Variants in EPHB1 observed in about 807,000 individuals in gnomAD.
The protein encoded by EPHB1 is EPH receptor B1, also known as ephrin type-B receptor 1.
In EPHB1, 30 loss-of-function variants were observed where a neutral mutation model predicts 94.4. The observed-to-expected ratio is 0.32, with a 90% confidence interval of 0.24 to 0.43. The LOEUF is 0.43. Among genes scored for constraint, EPHB1 ranks in the 20% least tolerant of loss-of-function variants. EPHB1 has a pLI of 1.00. For missense variants in EPHB1, 1,055 were observed against 1,308.3 expected, an observed-to-expected ratio of 0.81 and a Z score of 2.99; for synonymous variants, 522 against 489.1, an observed-to-expected ratio of 1.07 and a Z score of -0.89.
At chr3:135,038,706 C>T (rs991623908) in intron 3 of EPHB1, among the ~76,000 whole-genome samples, 8 of 151,812 alleles carry the variant, frequency 5.3e-5, no homozygotes, top group African/African-American at 7.3e-5. Context: ...TTCGTGGTCT[C>T]GCTGGCTCAG....
chr3:135,085,745 T>C (rs1474183765), intron 3 of EPHB1, among the ~76,000 whole-genome samples: 1 of 152,208 alleles, frequency 6.6e-6, no homozygotes, highest in Admixed American at 6.5e-5. Context: ...CTTTCCCAGG[T>C]GACTGGCATC....
At chr3:135,227,481 A>G (rs1000091737) in intron 12 of EPHB1, among the ~76,000 whole-genome samples, 1 of 152,174 alleles carries the variant, frequency 6.6e-6, no homozygotes, top group African/African-American at 2.4e-5. Flanking sequence ...TACCATACAT[A>G]ATGATCTACT....
intron 1 of EPHB1, among the ~76,000 whole-genome samples, chr3:134,818,084 A>C (rs2036303810): frequency 6.6e-6 from 1 of 152,194 alleles, no homozygotes; most frequent in South Asian, 2.1e-4. Context: ...GTGGAGAGGA[A>C]AGATGTGAAG....
chr3:134,971,120 T>C (rs1933955070), intron 3 of EPHB1, among the ~76,000 whole-genome samples: 1 of 152,136 alleles, frequency 6.6e-6, no homozygotes, highest in Non-Finnish European at 1.5e-5. Context: ...ATGGAAGCTT[T>C]CAACTGACTA....
Position 135,248,328 on chromosome 3 carries a change from A to C in EPHB1, c.2509A>C (p.Ile837Leu). 6.3e-7 allele frequency: 1 copy of C among 1,587,318 alleles called. No homozygotes were observed. Among genetic ancestry groups the C allele is most frequent in the Non-Finnish European group, 8.6e-7 (1 of 1,160,428 alleles). ...DMSNQDVINA[I>L]EQDYRLPPPM... The stretch of plus-strand genomic sequence containing the variant: ...TATGTCACTGCAGGTCATCAATGCC[A>C]TCGAGCAGGACTACCGGCTGCCCCC... Residue 837 changes from isoleucine to leucine, a missense_variant, in exon 14 of 16, where the codon ATC becomes CTC. Physicochemically the swap from Ile to Leu is conservative, Grantham distance 5 (BLOSUM62 2). Transcript: ENST00000398015.
intron 10 of EPHB1, among the ~76,000 whole-genome samples, chr3:135,183,026 T>TTTCTTTCTTTCTTTC (rs1491563158): frequency 1.1e-5 from 1 of 94,658 alleles, no homozygotes; most frequent in African/African-American, 4.7e-5. Context: ...TTTTCTTTTC[T>TTTCTTTCTTTCTTTC]TTTCTTTCTT....
chr3:135,137,917 G>C (rs1024171378), intron 5 of EPHB1, among the ~76,000 whole-genome samples: 1 of 152,286 alleles, frequency 6.6e-6, no homozygotes, highest in Admixed American at 6.5e-5. Flanking sequence ...GTCTGTGCTG[G>C]GAGGGGTAGG....
At chr3:134,990,028 G>A (rs532516885) in intron 3 of EPHB1, among the ~76,000 whole-genome samples, 3 of 151,922 alleles carry the variant, frequency 2.0e-5, no homozygotes, top group African/African-American at 7.3e-5. Context: ...TTTTATTTAT[G>A]TATTTAAAAG....
intron 3 of EPHB1, among the ~76,000 whole-genome samples, chr3:135,035,925 A>C (rs1027890084): frequency 1.3e-5 from 2 of 152,198 alleles, no homozygotes; most frequent in African/African-American, 4.8e-5. Context: ...CATCTGGTCT[A>C]GCCAGGTCCC....
chr3:134,909,767 C>T (rs1241705178), intron 1 of EPHB1, among the ~76,000 whole-genome samples: 2 of 152,232 alleles, frequency 1.3e-5, no homozygotes, highest in African/African-American at 2.4e-5. Context: ...CCTACCTCCA[C>T]AGGGAGAATT....
At chr3:134,950,573 G>GC (rs1932986769) in intron 2 of EPHB1, among the ~76,000 whole-genome samples, 1 of 152,196 alleles carries the variant, frequency 6.6e-6, no homozygotes, top group South Asian at 2.1e-4. Flanking sequence ...ACTCATGGCA[G>GC]GCCAGGGGAG....
At chr3:134,971,949 A>C (rs1270209200) in intron 3 of EPHB1, among the ~76,000 whole-genome samples, 1 of 152,186 alleles carries the variant, frequency 6.6e-6, no homozygotes, top group South Asian at 2.1e-4. Context: ...TGAGGGTGAG[A>C]GGAACTTAAC....
At chr3:134,832,475 G>A (rs189269222) in intron 1 of EPHB1, among the ~76,000 whole-genome samples, 2,429 of 152,264 alleles carry the variant, frequency 0.016, 36 homozygotes, top group South Asian at 0.061. Flanking sequence ...TGTTCATGGC[G>A]GTTGCTCTTC....
chr3:134,888,623 G>T (rs768686195), intron 1 of EPHB1, among the ~76,000 whole-genome samples: 1 of 150,376 alleles, frequency 6.6e-6, no homozygotes, highest in Non-Finnish European at 1.5e-5. Context: ...CAGGAGAATC[G>T]CTTGAACTAG....
Position 135,260,450 on chromosome 3 carries a change from G to A in EPHB1, c.*1330G>A, listed in dbSNP as rs1313594332. 1 of 221,304 alleles carries A rather than the reference G, an allele frequency of 4.5e-6. No individual in the cohort carries two copies. Among genetic ancestry groups the A allele is most frequent in the Non-Finnish European group, 9.1e-6 (1 of 110,384 alleles). The allele number at this position is 221,304 out of a possible 1,614,324, so 13.7% of individuals were successfully genotyped here. ...GTCTAATTAAAAAGAGCAGAAGCATGTCTGGGTTTACGTAAAATGGTGTCA... is the reference window on the plus strand; with the variant it reads ...GTCTAATTAAAAAGAGCAGAAGCATATCTGGGTTTACGTAAAATGGTGTCA... On this transcript the variant is annotated 3_prime_UTR_variant, in exon 16 of 16. Coordinates refer to ENST00000398015, the MANE Select transcript of EPHB1 (RefSeq NM_004441.5).
At chr3:134,832,421 A>G (rs536850292) in intron 1 of EPHB1, among the ~76,000 whole-genome samples, 1 of 152,280 alleles carries the variant, frequency 6.6e-6, no homozygotes, top group East Asian at 1.9e-4. Flanking sequence ...TAAACTTCCA[A>G]ACCTTCAAGT....
intron 5 of EPHB1, among the ~76,000 whole-genome samples, chr3:135,146,105 A>G (rs940771118): frequency 2.0e-5 from 3 of 152,098 alleles, no homozygotes; most frequent in Admixed American, 2.0e-4. Context: ...AGTGGAGATC[A>G]CACCCCAAGG....
chr3:134,905,292 G>A (rs1396738613), intron 1 of EPHB1, among the ~76,000 whole-genome samples: 1 of 152,212 alleles, frequency 6.6e-6, no homozygotes, highest in Non-Finnish European at 1.5e-5. Flanking sequence ...TCTCTCTGAA[G>A]CCGACATATT....
At chr3:134,902,010 C>A (rs1360726117) in intron 1 of EPHB1, among the ~76,000 whole-genome samples, 1 of 152,162 alleles carries the variant, frequency 6.6e-6, no homozygotes, top group Non-Finnish European at 1.5e-5. Context: ...GGAAAGGGAG[C>A]TTGTACTTTT....
Sources: allele counts gnomAD v4.1 joint callset (sites outside exome capture counted in the v4.1 genomes callset), GRCh38; gene constraint gnomAD v4.1.1; transcripts MANE v1.5; gene names NCBI Gene and HGNC (gene_info 2026-07-23, HGNC 2026-07-21).